Variants in GALNT13 observed in about 807,000 individuals in gnomAD.
The protein encoded by GALNT13 is UDP-GalNAc:polypeptide N-acetylgalactosaminyltransferase 13.
A neutral mutation model predicts 64.2 loss-of-function variants in GALNT13; 28 were observed. The ratio of observed to expected loss-of-function variants is 0.44; its 90% CI spans 0.32 to 0.60. The LOEUF (loss-of-function observed/expected upper bound fraction) is 0.60, where lower values mean the gene tolerates loss of function less well. GALNT13 is among the 20% of genes least tolerant of loss of function. The pLI is 0.05. For missense variants in GALNT13, 577 were observed against 669.8 expected (o/e 0.86, Z 1.53); for synonymous variants, 214 against 224.6 (o/e 0.95, Z 0.42).
At chr2:153,827,258 G>A in the GALNT13 span, among the ~76,000 whole-genome samples, 5 of 152,020 alleles carry the variant, frequency 3.3e-5, no homozygotes, top group South Asian at 2.1e-4. Context: ...GACCCACCAC[G>A]ATGATTCAAT....
At chr2:153,272,425 A>C in the GALNT13 span, among the ~76,000 whole-genome samples, 4 of 146,006 alleles carry the variant, frequency 2.7e-5, no homozygotes, top group African/African-American at 1.0e-4. Context: ...AAAAAAAAAA[A>C]CAACCCTATC....
chr2:154,258,078 A>T (rs1690475766), intron 7 of GALNT13, among the ~76,000 whole-genome samples: 1 of 152,138 alleles, frequency 6.6e-6, no homozygotes, highest in South Asian at 2.1e-4. Flanking sequence ...GTTACAAACC[A>T]CTATATTACA....
chr2:153,484,911 A>G, the GALNT13 span, among the ~76,000 whole-genome samples: 1 of 152,220 alleles, frequency 6.6e-6, no homozygotes, highest in East Asian at 1.9e-4. Flanking sequence ...TCCTGGGTCT[A>G]TCTACTGAGA....
At chr2:153,974,232 A>C (rs10194378) in intron 3 of GALNT13, among the ~76,000 whole-genome samples, 9,339 of 152,118 alleles carry the variant, frequency 0.061, 594 homozygotes, top group African/African-American at 0.16. Context: ...TTGGCACCAG[A>C]AACTGTCTAT....
the GALNT13 span, among the ~76,000 whole-genome samples, chr2:153,620,443 C>G: frequency 1.3e-5 from 2 of 151,836 alleles, no homozygotes; most frequent in Non-Finnish European, 2.9e-5. Flanking sequence ...TTCTTAATTG[C>G]TTTTTGTTCT....
the GALNT13 span, among the ~76,000 whole-genome samples, chr2:153,456,527 A>T: frequency 8.1e-4 from 123 of 152,318 alleles, no homozygotes; most frequent in Middle Eastern, 0.01. Flanking sequence ...TCCTGAGAAC[A>T]GTTGGATCCC....
intron 3 of GALNT13, among the ~76,000 whole-genome samples, chr2:154,022,611 G>A (rs779781069): frequency 1.5e-4 from 23 of 151,940 alleles, no homozygotes; most frequent in Non-Finnish European, 2.9e-4. Context: ...TCTTGCTAGC[G>A]GTCTATCAAT....
the GALNT13 span, among the ~76,000 whole-genome samples, chr2:153,473,209 A>G: frequency 4.5e-3 from 683 of 152,242 alleles, 5 homozygotes; most frequent in African/African-American, 0.016. Context: ...GGAAAAATAC[A>G]TGTAGTTATC....
intron 8 of GALNT13, among the ~76,000 whole-genome samples, chr2:154,292,931 G>A (rs992501749): frequency 1.1e-4 from 16 of 152,128 alleles, no homozygotes; most frequent in Non-Finnish European, 1.6e-4. Context: ...AAGTATGTTC[G>A]TTAATTGTCT....
the GALNT13 span, among the ~76,000 whole-genome samples, chr2:153,603,054 C>G: frequency 6.6e-6 from 1 of 151,834 alleles, no homozygotes; most frequent in African/African-American, 2.4e-5. Flanking sequence ...TAGTCCTCTA[C>G]TATTCCACCG....
chr2:153,234,830 G>A, the GALNT13 span, among the ~76,000 whole-genome samples: 1 of 152,172 alleles, frequency 6.6e-6, no homozygotes, highest in Non-Finnish European at 1.5e-5. Flanking sequence ...AAATAATCCT[G>A]ACTATCTCAT....
At chr2:153,255,170 A>G in the GALNT13 span, among the ~76,000 whole-genome samples, 4 of 150,102 alleles carry the variant, frequency 2.7e-5, no homozygotes, top group African/African-American at 7.4e-5. Flanking sequence ...GGGTGCATAT[A>G]TATTTAGGAT....
chr2:154,430,674 A>G (rs1315503770), intron 11 of GALNT13, among the ~76,000 whole-genome samples: 2 of 152,202 alleles, frequency 1.3e-5, no homozygotes, highest in African/African-American at 4.8e-5. Flanking sequence ...TACCATGAGT[A>G]AAATGCTATC....
the GALNT13 span, among the ~76,000 whole-genome samples, chr2:153,768,869 AAAAT>A: frequency 2.0e-5 from 3 of 152,208 alleles, no homozygotes; most frequent in African/African-American, 7.2e-5. Context: ...CCATCTAAAT[AAAAT>A]AAATAAAAAA....
chr2:154,415,115 T>A (rs1699953238), intron 11 of GALNT13, among the ~76,000 whole-genome samples: 1 of 149,902 alleles, frequency 6.7e-6, no homozygotes, highest in Admixed American at 6.7e-5. Flanking sequence ...GCCTGGGAAA[T>A]GTAGCAAAAC....
chr2:153,406,612 T>A, the GALNT13 span, among the ~76,000 whole-genome samples: 1 of 152,190 alleles, frequency 6.6e-6, no homozygotes, highest in African/African-American at 2.4e-5. Flanking sequence ...TTTGCCATGT[T>A]GGCCAGACTG....
chr2:153,914,380 G>C (rs1689185966), intron 2 of GALNT13, among the ~76,000 whole-genome samples: 1 of 151,462 alleles, frequency 6.6e-6, no homozygotes, highest in African/African-American at 2.4e-5. Flanking sequence ...AGCTACCTGG[G>C]AGGCTGAAGC....
At chr2:153,385,406 C>G in the GALNT13 span, among the ~76,000 whole-genome samples, 1 of 151,932 alleles carries the variant, frequency 6.6e-6, no homozygotes, top group Non-Finnish European at 1.5e-5. Flanking sequence ...AACTGGAGAT[C>G]CTTATGTTAA....
At chr2:153,212,000 G>A in the GALNT13 span, among the ~76,000 whole-genome samples, 1 of 152,022 alleles carries the variant, frequency 6.6e-6, no homozygotes, top group Non-Finnish European at 1.5e-5. Flanking sequence ...ATAAAGTGAT[G>A]CTTAGAAAAA....
Sources: gnomAD v4.1 joint callset for allele counts (sites outside exome capture counted in the v4.1 genomes callset) on GRCh38, gnomAD v4.1.1 for gene constraint, MANE v1.5 for transcripts, NCBI Gene and HGNC (gene_info 2026-07-23, HGNC 2026-07-21) for gene names.